TIAM1: variants seen among roughly 807,000 people sequenced by gnomAD.
TIAM1 encodes rho guanine nucleotide exchange factor TIAM1.
In TIAM1, 65 loss-of-function variants were observed where a neutral mutation model predicts 163.5. That is an observed-to-expected ratio of 0.40 (90% CI 0.33 to 0.49). The LOEUF is 0.49. Ranked by LOEUF, TIAM1 falls within the 20% of genes least tolerant of loss-of-function variation. The probability of loss-of-function intolerance (pLI) is 0.77; values close to 1 mark genes in which losing one functional copy is unlikely to be tolerated. For missense variants in TIAM1, 1,789 were observed against 2,044.7 expected, an observed-to-expected ratio of 0.87 and a Z score of 2.41; for synonymous variants, 833 against 810.1, an observed-to-expected ratio of 1.03 and a Z score of -0.48.
intron 1 of TIAM1, among the ~76,000 whole-genome samples, chr21:31,480,283 T>C (rs1329349966): frequency 1.3e-5 from 2 of 152,242 alleles, no homozygotes; most frequent in African/African-American, 4.8e-5. Flanking sequence ...CCTACTCTTG[T>C]CACAAAGCAG....
chr21:31,425,055 A>AC (rs1293100996), intron 2 of TIAM1, among the ~76,000 whole-genome samples: 1 of 150,416 alleles, frequency 6.6e-6, no homozygotes. Flanking sequence ...TCCGTCTCAA[A>AC]CAAAAAAAAA....
At chr21:31,481,949 C>T (rs1330231416) in intron 1 of TIAM1, among the ~76,000 whole-genome samples, 1 of 151,910 alleles carries the variant, frequency 6.6e-6, no homozygotes, top group Non-Finnish European at 1.5e-5. Context: ...TTTCTGGAAA[C>T]CAGCCCTCAT....
intron 1 of TIAM1, among the ~76,000 whole-genome samples, chr21:31,541,834 A>G (rs1189612142): frequency 6.6e-6 from 1 of 152,250 alleles, no homozygotes; most frequent in African/African-American, 2.4e-5. Flanking sequence ...AAAATCATGC[A>G]GTCAATAAAA....
In TIAM1 at chr21:31,430,225, A is replaced by AATATAT. The variant is rs35708801; in HGVS notation, c.-369+33752_-369+33757dup. Reference sequence around the variant, plus strand: ...CCATCTCAAAGAAAAAAAAAAAAAAAATATATATATATATATATATATACA... The same window carrying AATATAT: ...CCATCTCAAAGAAAAAAAAAAAAAAAATATATATATATATATATATATATATATACA... On this transcript the variant is annotated intron_variant, in intron 2 of 28. Transcript: ENST00000286827. 5.2e-3 allele frequency among the ~76,000 whole-genome samples: 470 copies of AATATAT among 90,128 alleles called. 5 individuals carry two copies. The highest frequency in any genetic ancestry group is 0.026 in the African/African-American group (449 of 17,228). 59.1% of individuals were successfully genotyped at this position (90,128 alleles called of 152,430 possible).
At chr21:31,314,888 A>G (rs1362085259) in intron 2 of TIAM1, among the ~76,000 whole-genome samples, 2 of 152,156 alleles carry the variant, frequency 1.3e-5, no homozygotes, top group East Asian at 3.9e-4. Context: ...ACCTTCTGGA[A>G]TTGAGTGTAA....
At chr21:31,218,458 ACTTGGGAAGCTGAGACAGGAGAATTG>A (rs1423809224) in intron 8 of TIAM1, among the ~76,000 whole-genome samples, 1 of 152,106 alleles carries the variant, frequency 6.6e-6, no homozygotes, top group Admixed American at 6.6e-5. Flanking sequence ...AATCCTAGCT[ACTTGGGAAGCTGAGACAGGAGAATTG>A]CTTGAACCCA....
intron 19 of TIAM1, 37 bp downstream of exon 19, chr21:31,152,599 A>G: frequency 6.2e-7 from 1 of 1,612,070 alleles, no homozygotes. Flanking sequence ...GAGCCACACT[A>G]TAGCCCTGAC....
chr21:31,222,708 T>TATATATATATATA (rs1491474690), intron 8 of TIAM1, among the ~76,000 whole-genome samples: 3 of 29,562 alleles, frequency 1.0e-4, no homozygotes, highest in East Asian at 1.8e-3. Flanking sequence ...TATATATATA[T>TATATATATATATA]TTTTTTTTTT....
chr21:31,308,164 C>T (rs1233864549), intron 2 of TIAM1, among the ~76,000 whole-genome samples: 1 of 152,084 alleles, frequency 6.6e-6, no homozygotes, highest in African/African-American at 2.4e-5. Flanking sequence ...AGTAGGAGGA[C>T]TGATTGAGCC....
intron 2 of TIAM1, among the ~76,000 whole-genome samples, chr21:31,386,131 C>A (rs1408232613): frequency 6.6e-6 from 1 of 152,192 alleles, no homozygotes; most frequent in East Asian, 1.9e-4. Context: ...GACAGGGCAT[C>A]CCTCTCCTGC....
At chr21:31,170,461 C>A (rs2084447747) in intron 15 of TIAM1, among the ~76,000 whole-genome samples, 1 of 152,062 alleles carries the variant, frequency 6.6e-6, no homozygotes, top group African/African-American at 2.4e-5. Flanking sequence ...ACCACACTGG[C>A]AACATTTTTC....
At chr21:31,414,959 T>C (rs897794596) in intron 2 of TIAM1, among the ~76,000 whole-genome samples, 2 of 152,146 alleles carry the variant, frequency 1.3e-5, no homozygotes, top group African/African-American at 4.8e-5. Context: ...CTGGGAAAGT[T>C]TGTGTGGTCA....
intron 19 of TIAM1, among the ~76,000 whole-genome samples, chr21:31,151,797 T>G (rs1161956511): frequency 6.6e-6 from 1 of 152,094 alleles, no homozygotes; most frequent in East Asian, 1.9e-4. Flanking sequence ...CAATGTGCTT[T>G]GTTAATTGGA....
chr21:31,385,714 AT>A (rs200528494), intron 2 of TIAM1, among the ~76,000 whole-genome samples: 151 of 129,332 alleles, frequency 1.2e-3, no homozygotes, highest in Middle Eastern at 4.2e-3. Context: ...GCACTGGAAG[AT>A]TTAAAAAAAA....
At chr21:31,316,722 G>A (rs2075136139) in intron 2 of TIAM1, among the ~76,000 whole-genome samples, 2 of 152,186 alleles carry the variant, frequency 1.3e-5, no homozygotes. Flanking sequence ...CTCTGGGAAG[G>A]TGAGTCATTG....
intron 10 of TIAM1, among the ~76,000 whole-genome samples, chr21:31,210,667 A>AAGAAAGAG (rs766512313): frequency 4.8e-5 from 1 of 20,954 alleles, no homozygotes; most frequent in African/African-American, 2.4e-4. Context: ...GAAAGAAAGA[A>AAGAAAGAG]AAAGAAAGAA....
At chr21:31,198,088 T>A (rs1055002921) in intron 12 of TIAM1, among the ~76,000 whole-genome samples, 2 of 152,172 alleles carry the variant, frequency 1.3e-5, no homozygotes, top group Non-Finnish European at 2.9e-5. Flanking sequence ...GAAAACCAAT[T>A]TTGAGCCAAG....
At chr21:31,345,855 C>A (rs570435142), upstream of TIAM1, among the ~76,000 whole-genome samples, 34 of 152,248 alleles carry the variant, frequency 2.2e-4, no homozygotes, top group African/African-American at 8.2e-4. Flanking sequence ...GAGGCTGAGG[C>A]ATGAGAATTG....
chr21:31,401,766 G>C (rs551027135), intron 2 of TIAM1, among the ~76,000 whole-genome samples: 1 of 151,954 alleles, frequency 6.6e-6, no homozygotes, highest in East Asian at 1.9e-4. Context: ...AAAATTAGCT[G>C]GTCATGGTGG....
Sources: allele counts gnomAD v4.1 joint callset (sites outside exome capture counted in the v4.1 genomes callset), GRCh38; gene constraint gnomAD v4.1.1; transcripts MANE v1.5; gene names NCBI Gene and HGNC (gene_info 2026-07-23, HGNC 2026-07-21).